Variants in GRM3 observed in about 807,000 individuals in gnomAD.
GRM3 encodes glutamate metabotropic receptor 3.
GRM3 carries 26 observed loss-of-function variants against 70.5 expected under a neutral mutation model. The observed-to-expected ratio is 0.37, with a 90% CI of 0.27 to 0.51. The LOEUF is 0.51. Among genes scored for constraint, GRM3 ranks in the 20% least tolerant of loss-of-function variants. GRM3 has a pLI of 0.93. For missense variants in GRM3, 859 were observed against 1,123.8 expected, an observed-to-expected ratio of 0.76 and a Z score of 3.37; for synonymous variants, 443 against 434.9, an observed-to-expected ratio of 1.02 and a Z score of -0.23.
chr7:86,652,884 T>C (rs910413167), intron 1 of GRM3, among the ~76,000 whole-genome samples: 1 of 152,180 alleles, frequency 6.6e-6, no homozygotes, highest in African/African-American at 2.4e-5. Flanking sequence ...GACACATGCA[T>C]CCCAGGCTAA....
chr7:86,694,386 C>A (rs1584171002), intron 1 of GRM3, among the ~76,000 whole-genome samples: 1 of 151,292 alleles, frequency 6.6e-6, no homozygotes, highest in Non-Finnish European at 1.5e-5. Flanking sequence ...GTGGTGGGTG[C>A]CTGTAGTCCC....
chr7:86,826,339 C>T (rs1437740476), intron 3 of GRM3, among the ~76,000 whole-genome samples: 2 of 152,180 alleles, frequency 1.3e-5, no homozygotes, highest in Non-Finnish European at 2.9e-5. Context: ...GACTATATAT[C>T]TCCTGCTCCT....
At chr7:86,819,421 G>A (rs1375832988) in intron 3 of GRM3, among the ~76,000 whole-genome samples, 1 of 152,010 alleles carries the variant, frequency 6.6e-6, no homozygotes, top group African/African-American at 2.4e-5. Flanking sequence ...CAAATGAGTT[G>A]CCATATAATG....
In GRM3 at chr7:86,739,535, T is replaced by C. The variant is rs551055883; in HGVS notation, c.-140-25471T>C. 7.2e-4 allele frequency among the ~76,000 whole-genome samples: 110 copies of C among 152,342 alleles called. 1 individual carries two copies. The highest frequency in any genetic ancestry group is 2.5e-3 in the African/African-American group (106 of 41,590). ...CGGCCTTACCTCTACCTGAAGGGAA[T>C]GAACTAAATCAGTGGTTCTCAGAAT... On this transcript the variant is annotated intron_variant, in intron 1 of 5. Coordinates refer to ENST00000361669, the MANE Select transcript of GRM3 (RefSeq NM_000840.3).
chr7:86,765,362 T>C lies in GRM3; in HGVS notation c.217T>C (p.Leu73=). The change falls in exon 2 of 6, where the codon TTG becomes CTG. Residue 73 remains leucine, a synonymous_variant. Transcript: ENST00000361669. The stretch of plus-strand genomic sequence containing the variant: ...AGGGATTCAACGCCTGGAAGCCATG[T>C]TGTTTGCTATTGATGAAATCAACAA... ...DRGIQRLEAM[L]FAIDEINKDD... 1 of 1,613,942 alleles carries C rather than the reference T, an allele frequency of 6.2e-7. No homozygotes were observed. Among genetic ancestry groups the C allele is most frequent in the East Asian group, 2.2e-5 (1 of 44,866 alleles).
At chr7:86,781,406 C>T (rs1169654141) in intron 2 of GRM3, among the ~76,000 whole-genome samples, 1 of 152,126 alleles carries the variant, frequency 6.6e-6, no homozygotes, top group East Asian at 1.9e-4. Flanking sequence ...AGATTTCTGG[C>T]ACTTGCTGAA....
At chr7:86,700,779 A>C (rs917481225) in intron 1 of GRM3, among the ~76,000 whole-genome samples, 2 of 151,942 alleles carry the variant, frequency 1.3e-5, no homozygotes, top group Non-Finnish European at 1.5e-5. Flanking sequence ...GTTACTTAAA[A>C]GAAATTATTG....
chr7:86,707,613 G>T (rs1795089880), intron 1 of GRM3, among the ~76,000 whole-genome samples: 1 of 152,086 alleles, frequency 6.6e-6, no homozygotes, highest in Non-Finnish European at 1.5e-5. Context: ...GAACAAAAGA[G>T]CAAAGTGGAT....
At position 86,683,150 on chromosome 7, in the gene GRM3, A is replaced by G. The variant is rs1228751832; in HGVS notation, c.-141+38278A>G. 3.3e-5 allele frequency among the ~76,000 whole-genome samples: 5 copies of G among 152,308 alleles called. No homozygotes were observed. In the South Asian group the frequency reaches 6.2e-4, roughly 19 times the overall value. On this transcript the variant is annotated intron_variant, in intron 1 of 5. Coordinates refer to ENST00000361669, the MANE Select transcript of GRM3 (RefSeq NM_000840.3). ...ACTCAAATAATGGCCATGAAAATTT[A>G]TGGGAGCAAAGAGGTTGAAGAACTA...
rs1388468190 is a variant in GRM3, at chr7:86,644,568, C to T, written c.-445C>T. On this transcript the variant is annotated 5_prime_UTR_variant, in exon 1 of 6. Coordinates refer to ENST00000361669, the MANE Select transcript of GRM3 (RefSeq NM_000840.3). ...AACCTCCTCCCTCTCTTCTACTCCA[C>T]CCCTCCGTTTTCCCACTCCCCACTG... 5.0e-6 allele frequency: 2 copies of T among 403,340 alleles called. No homozygotes were observed. The highest frequency in any genetic ancestry group is 9.9e-6 in the Non-Finnish European group (2 of 201,104). 25.0% of individuals were successfully genotyped at this position (403,340 alleles called of 1,614,324 possible). A position where few individuals can be genotyped will look rare whatever the true frequency, so the allele number is the denominator to read the frequency against.
At chr7:86,766,076 C>T (rs1032711119) in intron 2 of GRM3, among the ~76,000 whole-genome samples, 10 of 152,092 alleles carry the variant, frequency 6.6e-5, no homozygotes, top group African/African-American at 2.2e-4. Flanking sequence ...CTGCTTGCTT[C>T]GCACCTGCTG....
chr7:86,679,680 C>T (rs543014458), intron 1 of GRM3, among the ~76,000 whole-genome samples: 64 of 152,108 alleles, frequency 4.2e-4, no homozygotes, highest in African/African-American at 1.5e-3. Flanking sequence ...CATTCCTCCT[C>T]GTTCTCTCAC....
chr7:86,649,285 A>G (rs1218180003), intron 1 of GRM3, among the ~76,000 whole-genome samples: 1 of 152,146 alleles, frequency 6.6e-6, no homozygotes, highest in African/African-American at 2.4e-5. Flanking sequence ...GTAGGCCATT[A>G]ATATACCTAT....
intron 1 of GRM3, among the ~76,000 whole-genome samples, chr7:86,651,851 A>C (rs1282569794): frequency 3.9e-5 from 6 of 152,218 alleles, no homozygotes; most frequent in Non-Finnish European, 8.8e-5. Flanking sequence ...AACACCCAAA[A>C]TATATTTTTC....
intron 1 of GRM3, among the ~76,000 whole-genome samples, chr7:86,646,029 A>AG (rs1793464344): frequency 1.8e-5 from 2 of 109,336 alleles, no homozygotes; most frequent in Non-Finnish European, 3.7e-5. Flanking sequence ...GAGGGAGTTT[A>AG]GGGGGTGGAG....
rs1343722236 is a variant in GRM3 at position 86,755,814 on chromosome 7, A to T, written c.-140-9192A>T. Among the ~76,000 whole-genome samples the T allele has an allele frequency of 4.6e-5, 7 of 152,302 alleles. No homozygotes were observed. In the South Asian group the frequency reaches 6.2e-4, roughly 14 times the overall value. ...ATATAGGATGAAGGCAAACATATAT[A>T]TACAGAGAGAAGTAAAATCAAACCA... On this transcript the variant is annotated intron_variant, in intron 1 of 5. Coordinates refer to ENST00000361669, the MANE Select transcript of GRM3 (RefSeq NM_000840.3).
At chr7:86,851,386 G>T (rs1798752824) in intron 5 of GRM3, among the ~76,000 whole-genome samples, 2 of 152,116 alleles carry the variant, frequency 1.3e-5, no homozygotes, top group East Asian at 1.9e-4. Flanking sequence ...GTTCTCTAAA[G>T]CACAAATGTG....
chr7:86,829,650 A>T (rs984903452), intron 3 of GRM3, among the ~76,000 whole-genome samples: 4 of 152,194 alleles, frequency 2.6e-5, no homozygotes, highest in Non-Finnish European at 5.9e-5. Context: ...CAGTGAAGCA[A>T]TCAGAATCAG....
chr7:86,710,229 T>A (rs1325198655), intron 1 of GRM3: 1 of 152,062 alleles, frequency 6.6e-6, no homozygotes, highest in African/African-American at 2.4e-5. Flanking sequence ...TCCACTTATT[T>A]CTTTTCTATG....
Sources: gnomAD v4.1 joint callset for allele counts (sites outside exome capture counted in the v4.1 genomes callset) on GRCh38, gnomAD v4.1.1 for gene constraint, MANE v1.5 for transcripts, NCBI Gene and HGNC (gene_info 2026-07-23, HGNC 2026-07-21) for gene names.